Variants in TKFC observed in about 807,000 individuals in gnomAD.
TKFC encodes the protein triokinase/FMN cyclase.
In TKFC, 46 loss-of-function variants were observed where a neutral mutation model predicts 61.0. The ratio of observed to expected loss-of-function variants is 0.75; its 90% CI spans 0.60 to 0.96. TKFC has a LOEUF of 0.96. Among genes scored for constraint, TKFC ranks in the 50% least tolerant of loss-of-function variants. The pLI, the probability that TKFC is intolerant of heterozygous loss-of-function variation, is 0.00. For synonymous variants in TKFC, 314 were observed against 330.1 expected, an observed-to-expected ratio of 0.95 and a Z score of 0.53; for missense variants, 715 against 777.5, an observed-to-expected ratio of 0.92 and a Z score of 0.96.
downstream of TKFC, chr11:61,353,289 T>G: frequency 6.1e-6 from 6 of 983,280 alleles, no homozygotes; most frequent in Non-Finnish European, 8.8e-6. Context: ...CCGTGCTAGC[T>G]TCCTCATTGT....
At chr11:61,343,228 G>A (rs2135038060) in intron 10 of TKFC, 114 bp from the exon 11 acceptor site, 1 of 945,994 alleles carries the variant, frequency 1.1e-6, no homozygotes, top group East Asian at 2.4e-5. Context: ...GAGGAAATCA[G>A]GACATCTCCC....
At chr11:61,352,606 A>T (rs1857466646), downstream of TKFC, 1 of 244,492 alleles carries the variant, frequency 4.1e-6, no homozygotes, top group Non-Finnish European at 7.6e-6. Flanking sequence ...GGTTGCAGCG[A>T]GCCAAGATTG....
downstream of TKFC, chr11:61,349,757 C>T: frequency 1.5e-6 from 1 of 658,986 alleles, no homozygotes; most frequent in Admixed American, 2.1e-5. Flanking sequence ...GCCGCCACTC[C>T]CCCTTTCTGC....
At chr11:61,351,284 CTTTTTT>C (rs909648792), downstream of TKFC, 266 of 291,752 alleles carry the variant, frequency 9.1e-4, no homozygotes, top group Non-Finnish European at 1.0e-3. Context: ...AACACCCTTT[CTTTTTT>C]TTTTTTTTTT....
downstream of TKFC, chr11:61,351,942 A>C (rs2135106198): frequency 6.6e-6 from 1 of 152,134 alleles, no homozygotes. Context: ...GGAGAGAGAG[A>C]GGGTCTTCCT....
chr11:61,335,592 C>T lies in TKFC; in HGVS notation c.3+861C>T, dbSNP rs1159518673. On this transcript the variant is annotated intron_variant, in intron 2 of 17. Transcript: ENST00000394900. ...CCACAAACCCATGTCCTTTCTAGGG[C>T]AACCTCTGTCACCCTCCACTTCCCT... 2.0e-5 allele frequency among the ~76,000 whole-genome samples: 3 copies of T among 152,210 alleles called. No individual in the cohort carries two copies. In the East Asian group the frequency reaches 5.8e-4, roughly 29 times the overall value.
Position 61,345,739 on chromosome 11 carries a change from G to A in TKFC, c.1479G>A (p.Arg493=), listed in dbSNP as rs2135060216. The A allele has an allele frequency of 6.2e-7, 1 of 1,614,234 alleles. No individual in the cohort carries two copies. Among genetic ancestry groups the A allele is most frequent in the East Asian group, 2.2e-5 (1 of 44,890 alleles). The change falls in exon 16 of 18, where the codon AGG becomes AGA. Residue 493 remains arginine, a synonymous_variant. Coordinates refer to ENST00000394900, the MANE Select transcript of TKFC (RefSeq NM_015533.4). ...ATGGCAAGGCTGCTCCAGGGGACAG[G>A]ACTATGGTATGTACTCAGGCTGTGG... is the stretch of plus-strand genomic sequence containing the variant. ...QKYGKAAPGD[R]TMLDSLWAAG...
At position 61,339,408 on chromosome 11, in the gene TKFC, G is replaced by A. The variant is rs140281606; in HGVS notation, c.459G>A (p.Gly153=). The change falls in exon 5 of 18, where the codon GGG becomes GGA. Residue 153 remains glycine (G), a synonymous_variant. Transcript: ENST00000394900. ...TCCTGAAGAAGGCAGGCCGGCGGGGGCTGTGCGGCACGGTGCTTATACACA... is the reference window on the plus strand; with the variant it reads ...TCCTGAAGAAGGCAGGCCGGCGGGGACTGTGCGGCACGGTGCTTATACACA... ...FTVLKKAGRR[G]LCGTVLIHKV... is the part of the protein sequence containing the mutation. 15 of 1,612,656 alleles carry A rather than the reference G, an allele frequency of 9.3e-6. No homozygotes were observed. The highest frequency in any genetic ancestry group is 8.3e-5 in the Admixed American group (5 of 59,970).
chr11:61,342,907 T>G, intron 10 of TKFC, 63 bp downstream of exon 10: 1 of 1,528,896 alleles, frequency 6.5e-7, no homozygotes, highest in Non-Finnish European at 9.0e-7. Flanking sequence ...GAGGGTCTTG[T>G]GATGGCAGAG....
At position 61,347,904 on chromosome 11, in the gene TKFC, G is replaced by A. The variant is rs554398048; in HGVS notation, c.*1401G>A. 6.1e-6 allele frequency: 6 copies of A among 985,272 alleles called. No individual in the cohort carries two copies. The highest frequency in any genetic ancestry group is 3.5e-5 in the African/African-American group (2 of 57,272). 61.0% of individuals were successfully genotyped at this position (985,272 alleles called of 1,614,324 possible). A position where few individuals can be genotyped will look rare whatever the true frequency, so the allele number is the denominator to read the frequency against. On this transcript the variant is annotated 3_prime_UTR_variant, in exon 18 of 18. Coordinates refer to ENST00000394900, the MANE Select transcript of TKFC (RefSeq NM_015533.4). Reference sequence around the variant, plus strand: ...CAAGTGCTCACTCACTGAGAGTTACGGTTATCACAGGGGTTGGGCCCCCAG... The same window carrying A: ...CAAGTGCTCACTCACTGAGAGTTACAGTTATCACAGGGGTTGGGCCCCCAG...
chr11:61,350,156 G>A (rs1403963153), downstream of TKFC: 1 of 591,410 alleles, frequency 1.7e-6, no homozygotes, highest in African/African-American at 1.9e-5. Context: ...AGCCACCAAG[G>A]AAAGCAGACA....
intron 6 of TKFC, 127 bp from the exon 7 acceptor site, chr11:61,341,696 G>C: frequency 8.0e-7 from 1 of 1,245,280 alleles, no homozygotes; most frequent in Non-Finnish European, 1.2e-6. Flanking sequence ...CTGAGGTGGA[G>C]AGTCTGGCAG....
In TKFC at chr11:61,345,727, T is replaced by C. The variant is rs1237706569; in HGVS notation, c.1467T>C (p.Ala489=). The change falls in exon 16 of 18, where the codon GCT becomes GCC. Residue 489 remains alanine (A), a synonymous_variant. Coordinates refer to ENST00000394900, the MANE Select transcript of TKFC (RefSeq NM_015533.4). ...TCCCTGCCAGGTATGGCAAGGCTGC[T>C]CCAGGGGACAGGACTATGGTATGTA... ...LEAMQKYGKA[A]PGDRTMLDSL... 1 of 1,614,248 alleles carries C rather than the reference T, an allele frequency of 6.2e-7. No individual in the cohort carries two copies.
intron 1 of TKFC, chr11:61,334,261 GT>G: frequency 6.2e-6 from 1 of 160,490 alleles, no homozygotes; most frequent in Admixed American, 6.1e-5. Context: ...TTCCCTTTTG[GT>G]GCCAAGGCCA....
downstream of TKFC, chr11:61,350,205 G>A: frequency 1.4e-6 from 1 of 691,582 alleles, no homozygotes; most frequent in Non-Finnish European, 2.4e-6. Context: ...CAGCACCCAG[G>A]CAAAGCCACC....
At chr11:61,352,909 G>T (rs1270969524), downstream of TKFC, 3 of 1,611,204 alleles carry the variant, frequency 1.9e-6, no homozygotes, top group African/African-American at 1.3e-5. Flanking sequence ...GGTGAGTCCT[G>T]TGATCACAGG....
chr11:61,345,588 A>G, intron 15 of TKFC, 23 bp downstream of exon 15: 1 of 1,611,846 alleles, frequency 6.2e-7, no homozygotes, highest in Non-Finnish European at 8.5e-7. Flanking sequence ...CCTGTGCATC[A>G]GACCAGGGGT....
downstream of TKFC, chr11:61,353,106 AG>A (rs748652393): frequency 3.7e-6 from 6 of 1,612,644 alleles, no homozygotes; most frequent in Non-Finnish European, 2.5e-6. Flanking sequence ...ATGGACGCCC[AG>A]GGCAGGAGGA....
In TKFC at chr11:61,347,702, T is replaced by G. The variant is rs985785191; in HGVS notation, c.*1199T>G. ...TAGGGTAGGGAGTGGTTAAAGGCAC[T>G]GGCTGTCGACTCATACACATGATCT... On this transcript the variant is annotated 3_prime_UTR_variant, in exon 18 of 18. Transcript: ENST00000394900. 1 of 985,302 alleles carries G rather than the reference T, an allele frequency of 1.0e-6. No homozygotes were observed. Among genetic ancestry groups the G allele is most frequent in the African/African-American group, 1.7e-5 (1 of 57,242 alleles). The allele number at this position is 985,302 out of a possible 1,614,324, so 61.0% of individuals were successfully genotyped here.
Sources: gnomAD v4.1 joint callset for allele counts (sites outside exome capture counted in the v4.1 genomes callset) on GRCh38, gnomAD v4.1.1 for gene constraint, MANE v1.5 for transcripts, NCBI Gene and HGNC (gene_info 2026-07-23, HGNC 2026-07-21) for gene names.